The following CCSER1 variants were observed in gnomAD, a reference collection of about 807,000 sequenced individuals.
CCSER1 encodes the protein serine-rich coiled-coil domain-containing protein 1.
CCSER1 carries 41 observed loss-of-function variants against 82.0 expected under a neutral mutation model. That is an observed-to-expected ratio of 0.50 (90% CI 0.39 to 0.65). The LOEUF (loss-of-function observed/expected upper bound fraction) is 0.65. Among genes scored for constraint, CCSER1 ranks in the 30% least tolerant of loss-of-function variants. The probability of loss-of-function intolerance (pLI) is 0.00; values close to 1 mark genes in which losing one functional copy is unlikely to be tolerated. For synonymous variants in CCSER1, 414 were observed against 383.9 expected (o/e 1.08, Z -0.92); for missense variants, 1,119 against 1,064.2 (o/e 1.05, Z -0.72).
chr4:91,360,310 C>G (rs1230708760), intron 10 of CCSER1, among the ~76,000 whole-genome samples: 6 of 151,652 alleles, frequency 4.0e-5, no homozygotes, highest in African/African-American at 7.3e-5. Flanking sequence ...AAAAAAAGAT[C>G]TACTAAAAAT....
At chr4:90,302,676 G>T (rs1733385066) in intron 1 of CCSER1, among the ~76,000 whole-genome samples, 1 of 152,066 alleles carries the variant, frequency 6.6e-6, no homozygotes, top group Non-Finnish European at 1.5e-5. Flanking sequence ...GATGCTGTAT[G>T]CCTGTAGTCC....
intron 6 of CCSER1, among the ~76,000 whole-genome samples, chr4:90,630,868 GATT>G (rs71596533): frequency 0.061 from 8,704 of 143,262 alleles, 400 homozygotes; most frequent in African/African-American, 0.13. Context: ...TTTGTTCACA[GATT>G]ATTATTATTA....
chr4:90,233,078 G>T (rs935904140), intron 1 of CCSER1, among the ~76,000 whole-genome samples: 20 of 151,988 alleles, frequency 1.3e-4, no homozygotes, highest in African/African-American at 2.4e-4. Flanking sequence ...ATTCCTCAGG[G>T]ATCTAGAACT....
chr4:91,155,212 G>A lies in CCSER1; in HGVS notation c.2217+69218G>A, dbSNP rs74802633. 3.9e-3 allele frequency among the ~76,000 whole-genome samples: 585 copies of A among 151,774 alleles called. 6 individuals are homozygous for A. Among genetic ancestry groups the A allele is most frequent in the African/African-American group, 0.013 (547 of 41,436 alleles). On this transcript the variant is annotated intron_variant, in intron 10 of 10. Transcript: ENST00000509176. ...AATAATCCCCACGTTTCATGGGAGG[G>A]ACCTGCTAGGAGGTAATTGAATTAT... is the stretch of plus-strand genomic sequence containing the variant.
intron 6 of CCSER1, among the ~76,000 whole-genome samples, chr4:90,709,515 A>C (rs1740078147): frequency 6.6e-6 from 1 of 152,160 alleles, no homozygotes; most frequent in Non-Finnish European, 1.5e-5. Context: ...GGTCCCACTT[A>C]AAAGTGAGAA....
At chr4:91,350,646 A>C (rs2149299423) in intron 10 of CCSER1, among the ~76,000 whole-genome samples, 1 of 152,222 alleles carries the variant, frequency 6.6e-6, no homozygotes, top group African/African-American at 2.4e-5. Context: ...TTGCAGTTTA[A>C]AAATTTGACT....
At chr4:91,116,017 CACA>C (rs2148882186) in intron 10 of CCSER1, among the ~76,000 whole-genome samples, 1 of 151,916 alleles carries the variant, frequency 6.6e-6, no homozygotes, top group Non-Finnish European at 1.5e-5. Flanking sequence ...GTCCCCACCC[CACA>C]ACAGGCCCTG....
intron 10 of CCSER1, among the ~76,000 whole-genome samples, chr4:91,392,212 A>G (rs1751694097): frequency 6.6e-6 from 1 of 152,102 alleles, no homozygotes; most frequent in South Asian, 2.1e-4. Context: ...CTTGAAAAAT[A>G]TAAATTTAGA....
chr4:91,466,386 C>T (rs1756908875), intron 10 of CCSER1, among the ~76,000 whole-genome samples: 1 of 152,200 alleles, frequency 6.6e-6, no homozygotes, highest in Non-Finnish European at 1.5e-5. Context: ...GACAAACCCA[C>T]AGCCAATATC....
intron 1 of CCSER1, among the ~76,000 whole-genome samples, chr4:90,278,059 C>T (rs1483918700): frequency 1.3e-5 from 2 of 151,994 alleles, no homozygotes; most frequent in Non-Finnish European, 2.9e-5. Flanking sequence ...TTACAATGGA[C>T]CCACAAGCTT....
At chr4:91,451,718 CAAT>C (rs1332773031) in intron 10 of CCSER1, among the ~76,000 whole-genome samples, 2 of 151,708 alleles carry the variant, frequency 1.3e-5, no homozygotes, top group African/African-American at 2.4e-5. Flanking sequence ...CTGAAAAATA[CAAT>C]GTTTGAGATA....
chr4:90,491,680 A>G (rs1249557872), intron 5 of CCSER1, among the ~76,000 whole-genome samples: 1 of 152,160 alleles, frequency 6.6e-6, no homozygotes, highest in African/African-American at 2.4e-5. Flanking sequence ...TATTATTTTG[A>G]GAGACGTCCC....
At chr4:90,134,179 T>A (rs530852892) in intron 1 of CCSER1, among the ~76,000 whole-genome samples, 1 of 152,352 alleles carries the variant, frequency 6.6e-6, no homozygotes, top group South Asian at 2.1e-4. Context: ...GTCTCTGTTC[T>A]ATGGTCTGCT....
intron 1 of CCSER1, among the ~76,000 whole-genome samples, chr4:90,293,024 G>A (rs1489785976): frequency 6.6e-6 from 1 of 151,404 alleles, no homozygotes; most frequent in Admixed American, 6.6e-5. Flanking sequence ...CTTTACGTTC[G>A]TATCTGTTAC....
Position 91,005,793 on chromosome 4 carries a change from T to C in CCSER1, c.2173-80157T>C, listed in dbSNP as rs749071486. 2.0e-5 allele frequency among the ~76,000 whole-genome samples: 3 copies of C among 152,224 alleles called. 1 individual carries two copies. Among genetic ancestry groups the C allele is most frequent in the African/African-American group, 7.2e-5 (3 of 41,464 alleles). On this transcript the variant is annotated intron_variant, in intron 9 of 10. Coordinates refer to ENST00000509176, the MANE Select transcript of CCSER1 (RefSeq NM_001145065.2). Reference sequence around the variant, plus strand: ...CTAGTTTCATTCTTATGAATGTGGATATCCAATTTTCCCAGCAACACTTAT... The same window carrying C: ...CTAGTTTCATTCTTATGAATGTGGACATCCAATTTTCCCAGCAACACTTAT...
intron 5 of CCSER1, among the ~76,000 whole-genome samples, chr4:90,579,950 T>C (rs1781246734): frequency 6.6e-6 from 1 of 152,012 alleles, no homozygotes; most frequent in African/African-American, 2.4e-5. Flanking sequence ...TTTTTGGCAG[T>C]CTGGAGCAAA....
At chr4:90,929,104 G>C (rs1455063507) in intron 9 of CCSER1, among the ~76,000 whole-genome samples, 1 of 151,926 alleles carries the variant, frequency 6.6e-6, no homozygotes, top group Admixed American at 6.5e-5. Flanking sequence ...TCTTCTTCCA[G>C]AGCAGAGTTG....
Position 90,802,217 on chromosome 4 carries a change from A to T in CCSER1, c.2011-13545A>T, listed in dbSNP as rs1194886945. On this transcript the variant is annotated intron_variant, in intron 7 of 10. Coordinates refer to ENST00000509176, the MANE Select transcript of CCSER1 (RefSeq NM_001145065.2). ...TGGGCAACAGAGTGAGACTCCATCTAAAAAAAAAATAAATTAATTACAAAT... is the reference window on the plus strand; with the variant it reads ...TGGGCAACAGAGTGAGACTCCATCTTAAAAAAAAATAAATTAATTACAAAT... Among the ~76,000 whole-genome samples the T allele has an allele frequency of 1.0e-4, 15 of 146,208 alleles. No individual in the cohort carries two copies. The East Asian group carries it at 2.9e-3, about 29-fold the overall frequency.
intron 10 of CCSER1, among the ~76,000 whole-genome samples, chr4:91,179,183 A>T (rs1416186888): frequency 4.6e-5 from 7 of 152,138 alleles, no homozygotes; most frequent in Non-Finnish European, 7.4e-5. Flanking sequence ...TGTTGGTCTG[A>T]TTGGCTTCCC....
Sources: allele counts gnomAD v4.1 joint callset (sites outside exome capture counted in the v4.1 genomes callset), GRCh38; gene constraint gnomAD v4.1.1; transcripts MANE v1.5; gene names NCBI Gene and HGNC (gene_info 2026-07-23, HGNC 2026-07-21).